The following USP34 variants were observed in gnomAD, a reference collection of about 807,000 sequenced individuals.
USP34 encodes the protein ubiquitin carboxyl-terminal hydrolase 34.
A neutral mutation model predicts 460.3 loss-of-function variants in USP34; 70 were observed. The observed-to-expected ratio is 0.15, with a 90% CI of 0.13 to 0.19. USP34 has a LOEUF of 0.19. Among genes scored for constraint, USP34 ranks in the 10% least tolerant of loss-of-function variants. The pLI is 1.00. For synonymous variants in USP34, 1,647 were observed against 1,405.3 expected (o/e 1.17, Z -3.85); for missense variants, 3,985 against 4,236.2 (o/e 0.94, Z 1.65).
chr2:61,274,970 T>G (rs1021944161), intron 41 of USP34, among the ~76,000 whole-genome samples: 1 of 152,170 alleles, frequency 6.6e-6, no homozygotes, highest in African/African-American at 2.4e-5. Context: ...ATATATTACA[T>G]ATATGCAGAT....
intron 29 of USP34, among the ~76,000 whole-genome samples, chr2:61,297,428 T>C (rs1442344566): frequency 6.6e-6 from 1 of 152,262 alleles, no homozygotes; most frequent in Non-Finnish European, 1.5e-5. Context: ...ACCTATTTTT[T>C]TCCATTATCA....
chr2:61,470,729 T>C lies in USP34; in HGVS notation c.-37A>G. The C allele has an allele frequency of 6.5e-7, 1 of 1,544,150 alleles. No homozygotes were observed. The highest frequency in any genetic ancestry group is 2.5e-5 in the East Asian group (1 of 39,392). ...CGCCCCCCCCCTCCCCCGCTTCGGA[T>C]CACACTGACTGATCCCGACCGGCGG... On this transcript the variant is annotated 5_prime_UTR_variant, in exon 1 of 80. Coordinates refer to ENST00000398571, the MANE Select transcript of USP34 (RefSeq NM_014709.4).
At chr2:61,315,537 C>G (rs1272012606) in intron 23 of USP34, among the ~76,000 whole-genome samples, 1 of 152,020 alleles carries the variant, frequency 6.6e-6, no homozygotes, top group Non-Finnish European at 1.5e-5. Context: ...CAACATCTGG[C>G]TAATTTTTTT....
At chr2:61,460,663 G>T (rs1259594068) in intron 1 of USP34, among the ~76,000 whole-genome samples, 1 of 151,886 alleles carries the variant, frequency 6.6e-6, no homozygotes, top group Non-Finnish European at 1.5e-5. Context: ...CTCCTCAAAA[G>T]AAATCTTACA....
intron 33 of USP34, among the ~76,000 whole-genome samples, chr2:61,290,923 C>T (rs1449515881): frequency 6.6e-6 from 1 of 152,012 alleles, no homozygotes; most frequent in African/African-American, 2.4e-5. Flanking sequence ...GTAGATACAA[C>T]ATCAAAAGGA....
chr2:61,410,030 G>A (rs575451723), intron 2 of USP34, among the ~76,000 whole-genome samples: 2 of 152,302 alleles, frequency 1.3e-5, no homozygotes, highest in South Asian at 4.1e-4. Flanking sequence ...TTCCCTCTGT[G>A]TATCAATGGT....
At chr2:61,233,172 T>G (rs1324374399) in intron 57 of USP34, among the ~76,000 whole-genome samples, 6 of 152,118 alleles carry the variant, frequency 3.9e-5, no homozygotes, top group Non-Finnish European at 8.8e-5. Flanking sequence ...CTATTAATAA[T>G]ATGTGATATG....
intron 62 of USP34, among the ~76,000 whole-genome samples, chr2:61,224,643 A>G (rs1011716082): frequency 2.6e-5 from 4 of 152,210 alleles, no homozygotes; most frequent in South Asian, 2.1e-4. Flanking sequence ...AATGCTTGAT[A>G]CTGTTTTCCA....
chr2:61,211,685 A>C (rs1019911411), intron 69 of USP34, 87 bp downstream of exon 69: 9 of 1,339,738 alleles, frequency 6.7e-6, no homozygotes, highest in Non-Finnish European at 8.8e-6. Context: ...ATGCTTCCCC[A>C]ATGTAAATGA....
intron 1 of USP34, 32 bp downstream of exon 1, chr2:61,470,618 C>G: frequency 6.5e-7 from 1 of 1,527,408 alleles, no homozygotes; most frequent in Non-Finnish European, 9.0e-7. Flanking sequence ...CCAAACCGTG[C>G]ACCCCGACAG....
chr2:61,416,668 C>G (rs1197520337), intron 2 of USP34, among the ~76,000 whole-genome samples: 1 of 152,164 alleles, frequency 6.6e-6, no homozygotes, highest in Non-Finnish European at 1.5e-5. Flanking sequence ...TTCCCTTTCC[C>G]TAATTTAGTC....
chr2:61,257,393 A>G, intron 44 of USP34, 43 bp from the exon 45 acceptor site: 28 of 1,511,656 alleles, frequency 1.9e-5, no homozygotes, highest in Non-Finnish European at 2.5e-5. Flanking sequence ...AGATAAAAAT[A>G]AGAAAATTAT....
At chr2:61,190,007 C>G (rs1056094134) in intron 78 of USP34, 2 of 337,024 alleles carry the variant, frequency 5.9e-6, no homozygotes, top group Middle Eastern at 8.1e-4. Flanking sequence ...AAAATATACC[C>G]AACTAGAGAT....
Position 61,442,898 on chromosome 2 carries a change from TACACACACACACAC to T in USP34, c.44-22079_44-22066del, listed in dbSNP as rs58151221. Among the ~76,000 whole-genome samples, 228 of 147,308 alleles carry T rather than the reference TACACACACACACAC, an allele frequency of 1.5e-3. 3 individuals are homozygous for T. Among genetic ancestry groups the T allele is most frequent in the East Asian group, 0.01 (52 of 5,014 alleles). Reference sequence around the variant, plus strand: ...ATGGATAAACAAAATGTGATGTGTGTACACACACACACACACACACACACACACACACACACAGA... The same window carrying T: ...ATGGATAAACAAAATGTGATGTGTGTACACACACACACACACACACACAGA... On this transcript the variant is annotated intron_variant, in intron 1 of 79. Transcript: ENST00000398571.
intron 43 of USP34, among the ~76,000 whole-genome samples, chr2:61,261,946 T>C (rs984743657): frequency 4.6e-5 from 7 of 151,274 alleles, no homozygotes. Context: ...CTGCTAAAAA[T>C]ACAAAAATTA....
chr2:61,414,923 G>C (rs1558581054), intron 2 of USP34, among the ~76,000 whole-genome samples: 1 of 152,232 alleles, frequency 6.6e-6, no homozygotes, highest in East Asian at 1.9e-4. Context: ...AAGTTACAAA[G>C]TTATACTCCT....
chr2:61,443,555 A>C (rs1180430012), intron 1 of USP34, among the ~76,000 whole-genome samples: 7 of 152,194 alleles, frequency 4.6e-5, no homozygotes, highest in Non-Finnish European at 1.0e-4. Context: ...CCTATTACTA[A>C]ATGAAAGAAA....
chr2:61,290,489 T>C (rs1330606560), intron 33 of USP34, among the ~76,000 whole-genome samples: 2 of 152,146 alleles, frequency 1.3e-5, no homozygotes, highest in Admixed American at 1.3e-4. Context: ...ACAACGAATA[T>C]ATTACTCAGC....
intron 57 of USP34, among the ~76,000 whole-genome samples, chr2:61,233,782 C>T (rs151308024): frequency 1.3e-5 from 2 of 151,384 alleles, no homozygotes; most frequent in Admixed American, 6.6e-5. Flanking sequence ...TTGCAGTGAG[C>T]TATGACTGTG....
Sources: gnomAD v4.1 joint callset for allele counts (sites outside exome capture counted in the v4.1 genomes callset) on GRCh38, gnomAD v4.1.1 for gene constraint, MANE v1.5 for transcripts, NCBI Gene and HGNC (gene_info 2026-07-23, HGNC 2026-07-21) for gene names.